SSX2IP: variants seen among roughly 807,000 people sequenced by gnomAD.
SSX2IP encodes SSX family member 2 interacting protein, also known as afadin- and alpha-actinin-binding protein.
Under a neutral mutation model 84.9 loss-of-function variants are expected in SSX2IP, and 55 were observed. The ratio of observed to expected loss-of-function variants is 0.65; its 90% CI spans 0.52 to 0.81. The LOEUF (loss-of-function observed/expected upper bound fraction) is 0.81, where lower values mean the gene tolerates loss of function less well. Among genes scored for constraint, SSX2IP ranks in the 30% least tolerant of loss-of-function variants. The probability of loss-of-function intolerance (pLI) is 0.00; values close to 1 mark genes in which losing one functional copy is unlikely to be tolerated. For missense variants in SSX2IP, 664 were observed against 705.2 expected (o/e 0.94, Z 0.66); for synonymous variants, 239 against 234.7 (o/e 1.02, Z -0.17).
At chr1:84,674,016 A>T (rs1653945636) in intron 1 of SSX2IP, among the ~76,000 whole-genome samples, 1 of 152,226 alleles carries the variant, frequency 6.6e-6, no homozygotes, top group Non-Finnish European at 1.5e-5. Flanking sequence ...GTACCAACTA[A>T]GAAAGACACT....
chr1:84,659,070 T>C (rs1020714579), intron 8 of SSX2IP, among the ~76,000 whole-genome samples: 8 of 152,032 alleles, frequency 5.3e-5, no homozygotes, highest in South Asian at 4.1e-4. Context: ...ATAAAGAACA[T>C]GGGGAAACAA....
intron 1 of SSX2IP, among the ~76,000 whole-genome samples, chr1:84,674,104 A>G (rs1294709546): frequency 6.6e-6 from 1 of 152,050 alleles, no homozygotes; most frequent in African/African-American, 2.4e-5. Flanking sequence ...TTCTAATAGA[A>G]CTCTGCTTTG....
At chr1:84,661,641 T>C (rs1420408083) in intron 8 of SSX2IP, among the ~76,000 whole-genome samples, 1 of 152,086 alleles carries the variant, frequency 6.6e-6, no homozygotes, top group Non-Finnish European at 1.5e-5. Flanking sequence ...GACTAGAACA[T>C]AAAGAACACC....
In SSX2IP at chr1:84,662,536, A is replaced by C; in HGVS notation, c.674-6T>G. 1 of 1,613,480 alleles carries C rather than the reference A, an allele frequency of 6.2e-7. No individual in the cohort carries two copies. Among genetic ancestry groups the C allele is most frequent in the Non-Finnish European group, 8.5e-7 (1 of 1,179,664 alleles). On this transcript the variant is annotated splice_polypyrimidine_tract_variant and splice_region_variant and intron_variant, in intron 6 of 13. Transcript: ENST00000342203. ...ATAATTCAAAATGTCCATAGCTACAAACATGAACACATAAAATTAATTCTT... is the reference window on the plus strand; with the variant it reads ...ATAATTCAAAATGTCCATAGCTACACACATGAACACATAAAATTAATTCTT...
At chr1:84,658,198 C>T in intron 9 of SSX2IP, 120 bp downstream of exon 9, 1 of 1,069,862 alleles carries the variant, frequency 9.3e-7, no homozygotes, top group Non-Finnish European at 1.3e-6. Flanking sequence ...TGCTTTCAAA[C>T]CACCAAACTG....
At chr1:84,681,983 A>G (rs979020780) in intron 1 of SSX2IP, among the ~76,000 whole-genome samples, 3 of 152,186 alleles carry the variant, frequency 2.0e-5, no homozygotes, top group African/African-American at 7.2e-5. Flanking sequence ...GAACAATCCA[A>G]CCTTGGTAGG....
intron 1 of SSX2IP, among the ~76,000 whole-genome samples, chr1:84,685,811 G>C (rs1047458754): frequency 6.6e-6 from 1 of 152,154 alleles, no homozygotes; most frequent in Non-Finnish European, 1.5e-5. Context: ...ATCCTATGCA[G>C]GGGGATATTC....
rs763706179 is a variant in SSX2IP, at chr1:84,666,106, A to G, written c.537+16T>C. On this transcript the variant is annotated intron_variant, in intron 5 of 13. Transcript: ENST00000342203. ...AAAATTCACTTAAACTTCATCTGCA[A>G]TAACTGACAACTCACCTCATCTTTC... The G allele has an allele frequency of 1.9e-6, 3 of 1,589,522 alleles. No individual in the cohort carries two copies. The highest frequency in any genetic ancestry group is 1.3e-5 in the African/African-American group (1 of 74,176).
chr1:84,681,064 G>C (rs11802347), intron 1 of SSX2IP, among the ~76,000 whole-genome samples: 30,976 of 151,970 alleles, frequency 0.2, 3,458 homozygotes, highest in African/African-American at 0.28. Context: ...TTATACAAAT[G>C]TCCTACAGTT....
chr1:84,674,127 A>AACCTCTCTGAGCCAT (rs1399312530), intron 1 of SSX2IP, among the ~76,000 whole-genome samples: 1 of 152,168 alleles, frequency 6.6e-6, no homozygotes, highest in Non-Finnish European at 1.5e-5. Flanking sequence ...TAAATTCCTT[A>AACCTCTCTGAGCCAT]ACCTCTCTGA....
chr1:84,662,439 T>C lies in SSX2IP; in HGVS notation c.749+16A>G, dbSNP rs1652153998. On this transcript the variant is annotated intron_variant, in intron 7 of 13. Transcript: ENST00000342203. The stretch of plus-strand genomic sequence containing the variant: ...AGGAAGTCTGATTACATTTATCAAT[T>C]TAAACTGGACTTTACCTGGCTTCAG... The C allele has an allele frequency of 6.2e-7, 1 of 1,613,220 alleles. No homozygotes were observed. The highest frequency in any genetic ancestry group is 8.5e-7 in the Non-Finnish European group (1 of 1,179,624).
intron 8 of SSX2IP, among the ~76,000 whole-genome samples, chr1:84,659,389 T>C (rs1651590573): frequency 1.3e-5 from 2 of 152,166 alleles, no homozygotes; most frequent in Admixed American, 1.3e-4. Context: ...ATCCGGCTCA[T>C]GGTGATTCTA....
chr1:84,660,788 G>A (rs1028318732), intron 8 of SSX2IP, among the ~76,000 whole-genome samples: 4 of 149,866 alleles, frequency 2.7e-5, no homozygotes, highest in African/African-American at 9.9e-5. Flanking sequence ...CGCAGTGGCT[G>A]ACGCCTGTAA....
intron 1 of SSX2IP, among the ~76,000 whole-genome samples, chr1:84,673,002 C>T (rs961118584): frequency 1.3e-5 from 2 of 152,068 alleles, no homozygotes; most frequent in African/African-American, 2.4e-5. Context: ...CCAGCCTGGG[C>T]GACAGAGACC....
intron 4 of SSX2IP, among the ~76,000 whole-genome samples, chr1:84,666,968 C>T (rs1652856071): frequency 6.6e-6 from 1 of 152,102 alleles, no homozygotes; most frequent in Non-Finnish European, 1.5e-5. Context: ...TAATAACTTG[C>T]ACAATTTCTG....
intron 9 of SSX2IP, 68 bp downstream of exon 9, chr1:84,658,246 TTCTA>T: frequency 8.9e-6 from 14 of 1,578,372 alleles, no homozygotes; most frequent in Non-Finnish European, 1.2e-5. Flanking sequence ...TAATGCGGCT[TTCTA>T]AGTGACTAAA....
At chr1:84,672,939 C>G (rs1653801650) in intron 1 of SSX2IP, among the ~76,000 whole-genome samples, 1 of 152,114 alleles carries the variant, frequency 6.6e-6, no homozygotes, top group Admixed American at 6.5e-5. Context: ...GCAGAAGAAT[C>G]CCTTGAACCC....
intron 8 of SSX2IP, among the ~76,000 whole-genome samples, chr1:84,660,827 CG>C (rs1220762054): frequency 1.4e-5 from 2 of 141,418 alleles, no homozygotes; most frequent in Non-Finnish European, 3.0e-5. Context: ...CTGAGGCAGG[CG>C]GATCACGAGG....
rs1044078242 is a variant in SSX2IP at position 84,645,623 on chromosome 1, C to G, written c.*1810G>C. ...CTTGCAAAGTACACCATGGAAAACCCTCGGGGGAAAATTGTTGCCAAATGT... is the reference window on the plus strand; with the variant it reads ...CTTGCAAAGTACACCATGGAAAACCGTCGGGGGAAAATTGTTGCCAAATGT... On this transcript the variant is annotated 3_prime_UTR_variant, in exon 14 of 14. Coordinates refer to ENST00000342203, the MANE Select transcript of SSX2IP (RefSeq NM_001166293.2). The G allele has an allele frequency of 6.6e-6, 1 of 152,090 alleles. No individual in the cohort carries two copies. Among genetic ancestry groups the G allele is most frequent in the African/African-American group, 2.4e-5 (1 of 41,434 alleles). 9.4% of individuals were successfully genotyped at this position (152,090 alleles called of 1,614,324 possible). A position where few individuals can be genotyped will look rare whatever the true frequency, so the allele number is the denominator to read the frequency against.
Sources: gnomAD v4.1 joint callset for allele counts (sites outside exome capture counted in the v4.1 genomes callset) on GRCh38, gnomAD v4.1.1 for gene constraint, MANE v1.5 for transcripts, NCBI Gene and HGNC (gene_info 2026-07-23, HGNC 2026-07-21) for gene names.